The following RGS6 variants were observed in gnomAD, a reference collection of about 807,000 sequenced individuals.
The protein encoded by RGS6 is regulator of G-protein signaling 6.
RGS6 carries 30 observed loss-of-function variants against 78.5 expected under a neutral mutation model. That is an observed-to-expected ratio of 0.38 (90% CI 0.29 to 0.52). The LOEUF is 0.52. RGS6 is among the 20% of genes least tolerant of loss of function. The probability of loss-of-function intolerance (pLI) is 0.85; values close to 1 mark genes in which losing one functional copy is unlikely to be tolerated. For synonymous variants in RGS6, 206 were observed against 206.0 expected (o/e 1.00, Z 0.00); for missense variants, 495 against 609.7 (o/e 0.81, Z 1.98).
chr14:71,983,802 C>T lies in RGS6; in HGVS notation c.84+18927C>T, dbSNP rs146609544. Among the ~76,000 whole-genome samples the T allele has an allele frequency of 1.8e-3, 270 of 152,326 alleles. 2 individuals are homozygous for T. Among genetic ancestry groups the T allele is most frequent in the African/African-American group, 6.2e-3 (258 of 41,570 alleles). On this transcript the variant is annotated intron_variant, in intron 2 of 17. Coordinates refer to ENST00000553525, the MANE Select transcript of RGS6 (RefSeq NM_001204424.2). ...CCTAATTTCCAAATGAACTTACATA[C>T]GCAAGTCCCAGGGTTTAGGACTACA...
chr14:72,038,890 G>T lies in RGS6; in HGVS notation c.84+74015G>T, dbSNP rs140119037. Among the ~76,000 whole-genome samples the T allele has an allele frequency of 4.7e-4, 71 of 152,222 alleles. No homozygotes were observed. The East Asian group carries it at 0.013, about 29-fold the overall frequency. On this transcript the variant is annotated intron_variant, in intron 2 of 17. Transcript: ENST00000553525. Reference sequence around the variant, plus strand: ...GTTTTATTTCTTCTTTTCCAGTCAGGATATCTTTATTTCTTTTCCTTGCCT... The same window carrying T: ...GTTTTATTTCTTCTTTTCCAGTCAGTATATCTTTATTTCTTTTCCTTGCCT...
chr14:72,020,096 CAG>C (rs1368687502), intron 2 of RGS6, among the ~76,000 whole-genome samples: 3 of 152,208 alleles, frequency 2.0e-5, no homozygotes, highest in Non-Finnish European at 4.4e-5. Flanking sequence ...AGAATTTTCT[CAG>C]TGTACAGTAG....
At chr14:71,976,294 G>A (rs917961479) in intron 2 of RGS6, among the ~76,000 whole-genome samples, 4 of 148,108 alleles carry the variant, frequency 2.7e-5, no homozygotes, top group African/African-American at 1.0e-4. Flanking sequence ...AAGTTTTAGG[G>A]TACATGTGCA....
chr14:72,048,979 T>C (rs954286470), intron 2 of RGS6, among the ~76,000 whole-genome samples: 4 of 152,312 alleles, frequency 2.6e-5, no homozygotes, highest in African/African-American at 9.6e-5. Flanking sequence ...TTACTTTTAT[T>C]ATGATGATGA....
chr14:72,114,817 C>A (rs532984219), intron 2 of RGS6, among the ~76,000 whole-genome samples: 1 of 152,216 alleles, frequency 6.6e-6, no homozygotes, highest in African/African-American at 2.4e-5. Context: ...GTCACCTATC[C>A]CAAGTGATCG....
the RGS6 span, among the ~76,000 whole-genome samples, chr14:71,897,201 AT>A: frequency 7.7e-4 from 118 of 152,352 alleles, 1 homozygote; most frequent in African/African-American, 2.7e-3. Flanking sequence ...ATGAATAAAT[AT>A]TCTGGCTATC....
intron 2 of RGS6, among the ~76,000 whole-genome samples, chr14:72,262,611 AGAGAGG>A (rs1427715479): frequency 6.6e-6 from 1 of 152,252 alleles, no homozygotes; most frequent in Non-Finnish European, 1.5e-5. Flanking sequence ...AGTCCATAAC[AGAGAGG>A]AAGAAAGAGA....
intron 2 of RGS6, among the ~76,000 whole-genome samples, chr14:72,231,850 G>A (rs1222342218): frequency 6.6e-6 from 1 of 152,100 alleles, no homozygotes; most frequent in Non-Finnish European, 1.5e-5. Flanking sequence ...AGAGGGGTGG[G>A]GGATGAACTG....
the RGS6 span, among the ~76,000 whole-genome samples, chr14:72,600,719 T>C: frequency 1.3e-5 from 2 of 152,108 alleles, no homozygotes; most frequent in East Asian, 1.9e-4. Context: ...CTCCACACCA[T>C]ACCAGCTGCA....
At chr14:72,587,991 C>G in the RGS6 span, among the ~76,000 whole-genome samples, 2,177 of 152,312 alleles carry the variant, frequency 0.014, 56 homozygotes, top group Admixed American at 0.06. Context: ...GCTCCAGAAC[C>G]TGGGAGCTTC....
chr14:72,460,530 A>C (rs1051789092), intron 6 of RGS6, among the ~76,000 whole-genome samples: 2 of 152,184 alleles, frequency 1.3e-5, no homozygotes, highest in African/African-American at 4.8e-5. Flanking sequence ...TGACCAACAG[A>C]CACTCACTAG....
At chr14:72,161,527 A>G (rs750923972) in intron 2 of RGS6, among the ~76,000 whole-genome samples, 1 of 152,168 alleles carries the variant, frequency 6.6e-6, no homozygotes, top group Non-Finnish European at 1.5e-5. Context: ...CCATTTCCTC[A>G]TTACTCAGTG....
At chr14:72,626,564 T>G in the RGS6 span, among the ~76,000 whole-genome samples, 1 of 152,156 alleles carries the variant, frequency 6.6e-6, no homozygotes, top group African/African-American at 2.4e-5. Flanking sequence ...GTGCCATTGT[T>G]TATTCAACAA....
Position 72,452,756 on chromosome 14 carries a change from C to T in RGS6, c.185-1772C>T, listed in dbSNP as rs142572349. On this transcript the variant is annotated intron_variant, in intron 3 of 17. Transcript: ENST00000553525. ...ACAATTTAGAGGTGACAAAGCCACA[C>T]CTTCAATGGTCTGCACTGGTTTAAA... Among the ~76,000 whole-genome samples, 507 of 152,354 alleles carry T rather than the reference C, an allele frequency of 3.3e-3. 2 individuals carry two copies. The highest frequency in any genetic ancestry group is 0.024 in the Middle Eastern group (7 of 294).
At chr14:72,572,801 G>T in the RGS6 span, among the ~76,000 whole-genome samples, 2 of 151,832 alleles carry the variant, frequency 1.3e-5, no homozygotes, top group African/African-American at 2.4e-5. Flanking sequence ...CAAATAAATT[G>T]TATGGTATGT....
intron 2 of RGS6, among the ~76,000 whole-genome samples, chr14:72,085,786 G>A (rs538163063): frequency 7.3e-5 from 11 of 150,464 alleles, no homozygotes; most frequent in East Asian, 2.0e-4. Context: ...CCCAGGAGGC[G>A]GAGGCTGCAG....
At chr14:72,107,461 A>G (rs957613562) in intron 2 of RGS6, among the ~76,000 whole-genome samples, 17 of 152,234 alleles carry the variant, frequency 1.1e-4, no homozygotes, top group African/African-American at 3.9e-4. Context: ...ACCAAGAGTC[A>G]GCCATTTCTC....
chr14:72,413,637 G>A (rs1396684974), intron 3 of RGS6, among the ~76,000 whole-genome samples: 1 of 152,114 alleles, frequency 6.6e-6, no homozygotes, highest in Non-Finnish European at 1.5e-5. Context: ...TTTGCTCATT[G>A]GTTGATGCAG....
At chr14:72,281,977 T>C (rs1347155178) in intron 2 of RGS6, among the ~76,000 whole-genome samples, 1 of 152,172 alleles carries the variant, frequency 6.6e-6, no homozygotes, top group Non-Finnish European at 1.5e-5. Flanking sequence ...ATTGGTATTT[T>C]TTAAAAAATC....
Sources: allele counts gnomAD v4.1 joint callset (sites outside exome capture counted in the v4.1 genomes callset), GRCh38; gene constraint gnomAD v4.1.1; transcripts MANE v1.5; gene names NCBI Gene and HGNC (gene_info 2026-07-23, HGNC 2026-07-21).